KMT2C: variants seen among roughly 807,000 people sequenced by gnomAD.
The protein encoded by KMT2C is lysine methyltransferase 2C.
Under a neutral mutation model 507.9 loss-of-function variants are expected in KMT2C, and 88 were observed. That is an observed-to-expected ratio of 0.17 (90% CI 0.15 to 0.21). KMT2C has a LOEUF of 0.21. Ranked by LOEUF, KMT2C falls within the 10% of genes least tolerant of loss-of-function variation. The pLI, the probability that KMT2C is intolerant of heterozygous loss-of-function variation, is 1.00. For missense variants in KMT2C, 4,954 were observed against 5,957.8 expected (o/e 0.83, Z 5.55); for synonymous variants, 2,049 against 2,080.8 (o/e 0.98, Z 0.42).
intron 27 of KMT2C, among the ~76,000 whole-genome samples, chr7:152,196,844 T>C (rs2093978442): frequency 6.6e-6 from 1 of 151,990 alleles, no homozygotes; most frequent in Non-Finnish European, 1.5e-5. Flanking sequence ...AAAGCAGACA[T>C]AAAGCCCCTG....
At chr7:152,297,095 A>G (rs866738343) in intron 6 of KMT2C, among the ~76,000 whole-genome samples, 3,307 of 108,926 alleles carry the variant, frequency 0.03, 76 homozygotes, top group African/African-American at 0.045. Flanking sequence ...GAGAGAGAGA[A>G]AGAAAGAAAG....
chr7:152,202,312 C>G (rs1340310343), intron 26 of KMT2C, among the ~76,000 whole-genome samples: 1 of 152,134 alleles, frequency 6.6e-6, no homozygotes, highest in African/African-American at 2.4e-5. Flanking sequence ...AGTACAATTT[C>G]TAATATTGAG....
rs2129119304 is a variant in KMT2C, at chr7:152,180,890, C to T, written c.6970G>A (p.Asp2324Asn). 2 of 1,614,160 alleles carry T rather than the reference C, an allele frequency of 1.2e-6. No individual in the cohort carries two copies. Among genetic ancestry groups the T allele is most frequent in the East Asian group, 2.2e-5 (1 of 44,880 alleles). ...GTSQTAHDVA[D>N]QPRPGSEGSF... Reference sequence around the variant, plus strand: ...CCCTCTGATCCAGGCCTTGGCTGATCAGCAACATCATGGGCAGTTTGACTT... The same window carrying T: ...CCCTCTGATCCAGGCCTTGGCTGATTAGCAACATCATGGGCAGTTTGACTT... The change falls in exon 36 of 59, where the codon GAT becomes AAT. Residue 2324 changes from aspartate to asparagine, a missense_variant. This residue lies in a region of KMT2C where 1,689 missense variants were observed against 1,654.3 expected (regional missense o/e 1.02). Transcript: ENST00000262189.
rs773788821 is a variant in KMT2C at position 152,180,061 on chromosome 7, C to G, written c.7215G>C (p.Glu2405Asp). 3 of 1,614,198 alleles carry G rather than the reference C, an allele frequency of 1.9e-6. No homozygotes were observed. In the East Asian group the frequency reaches 6.7e-5, roughly 36 times the overall value. ...QQQKKIAGRQEKGSQDSPAVP... is the reference protein window; with the variant it reads ...QQQKKIAGRQDKGSQDSPAVP... ...CTGCGGGTGAGTCCTGTGACCCCTT[C>G]TCCTGTCGACCTGCAATCTTCTTCT... is the stretch of plus-strand genomic sequence containing the variant. The change falls in exon 37 of 59, where the codon GAG becomes GAC. Residue 2405 changes from glutamate to aspartate, a missense_variant. Physicochemically the swap from Glu to Asp is conservative, Grantham distance 45. Around this residue, in one of 29 missense-constraint regions of KMT2C, gnomAD observed 1,689 missense variants for 1,654.3 expected, o/e 1.02. Transcript: ENST00000262189.
rs1563106007 is a variant in KMT2C, at chr7:152,137,171, G to A, written c.14644-247C>T. 6.9e-6 allele frequency: 3 copies of A among 436,630 alleles called. No homozygotes were observed. In the Admixed American group the frequency reaches 1.1e-4, roughly 16 times the overall value. The allele number at this position is 436,630 out of a possible 1,614,324, so 27.0% of individuals were successfully genotyped here. ...GAGAACGGGAGCCTGACCAGAGAAA[G>A]CTGTATTTCTGTGACTTCTCATAAT... On this transcript the variant is annotated intron_variant, in intron 58 of 58. Transcript: ENST00000262189.
At chr7:152,323,382 A>T (rs1205119604) in intron 3 of KMT2C, among the ~76,000 whole-genome samples, 1 of 151,982 alleles carries the variant, frequency 6.6e-6, no homozygotes, top group Non-Finnish European at 1.5e-5. Flanking sequence ...TCATGCCTAT[A>T]ATCCCAGCAC....
At chr7:152,260,147 A>G (rs1252662380) in intron 9 of KMT2C, among the ~76,000 whole-genome samples, 1 of 152,262 alleles carries the variant, frequency 6.6e-6, no homozygotes, top group Admixed American at 6.5e-5. Context: ...TAGTAACTGA[A>G]AAAACTGCAT....
intron 9 of KMT2C, among the ~76,000 whole-genome samples, chr7:152,255,108 CTTATATATATATATATATATATATAT>C (rs1258120359): frequency 1.6e-5 from 1 of 60,678 alleles, no homozygotes; most frequent in Non-Finnish European, 3.2e-5. Context: ...TCAACTCTCA[CTTATATATATATATATATATATATAT>C]ATATATATAT....
rs566779102 is a variant in KMT2C at position 152,288,274 on chromosome 7, C to T, written c.850-14407G>A. Among the ~76,000 whole-genome samples, 6 of 149,044 alleles carry T rather than the reference C, an allele frequency of 4.0e-5. No individual in the cohort carries two copies. In the South Asian group the frequency reaches 1.3e-3, roughly 32 times the overall value. On this transcript the variant is annotated intron_variant, in intron 6 of 58. Coordinates refer to ENST00000262189, the MANE Select transcript of KMT2C (RefSeq NM_170606.3). ...AGTGGCCAGGTGCGGTCGCTCAGGC[C>T]TGTAATCCTAGCATTTTGGGAGGCC... is the stretch of plus-strand genomic sequence containing the variant.
At position 152,139,206 on chromosome 7, in the gene KMT2C, C is replaced by T. The variant is rs755484548; in HGVS notation, c.14514G>A (p.Thr4838=). ...RMDNDHVIDA[T]LTGGPARYIN... ...CTCACCTTGCGGGCCCTCCTGTGAG[C>T]GTCGCGTCAATCACATGGTCGTTAT... Residue 4838 remains threonine, a synonymous_variant, in exon 57 of 59, where the codon ACG becomes ACA. Transcript: ENST00000262189. 13 of 1,613,836 alleles carry T rather than the reference C, an allele frequency of 8.1e-6. No individual in the cohort carries two copies. The highest frequency in any genetic ancestry group is 1.1e-5 in the South Asian group (1 of 91,076).
intron 3 of KMT2C, among the ~76,000 whole-genome samples, chr7:152,320,846 G>C (rs1028048636): frequency 1.3e-5 from 2 of 151,934 alleles, no homozygotes; most frequent in East Asian, 3.8e-4. Flanking sequence ...GGCCATAAAA[G>C]AATACATGAT....
At chr7:152,414,645 G>A (rs1014767505) in intron 1 of KMT2C, among the ~76,000 whole-genome samples, 5 of 151,550 alleles carry the variant, frequency 3.3e-5, no homozygotes, top group Admixed American at 6.6e-5. Flanking sequence ...ACAGGCGCCC[G>A]GCATCATGCC....
intron 14 of KMT2C, among the ~76,000 whole-genome samples, chr7:152,243,009 G>A (rs2095412815): frequency 6.6e-6 from 1 of 152,148 alleles, no homozygotes; most frequent in Non-Finnish European, 1.5e-5. Context: ...AAACAAAAGA[G>A]TTTACAGTTT....
At chr7:152,388,858 C>T (rs1405583526) in intron 1 of KMT2C, among the ~76,000 whole-genome samples, 2 of 152,260 alleles carry the variant, frequency 1.3e-5, no homozygotes, top group Admixed American at 1.3e-4. Flanking sequence ...AAGCGATTCT[C>T]CTGCCTCAGC....
chr7:152,321,028 G>A (rs927249386), intron 3 of KMT2C, among the ~76,000 whole-genome samples: 6 of 152,006 alleles, frequency 3.9e-5, no homozygotes, highest in African/African-American at 1.4e-4. Flanking sequence ...GAGGTCAGCA[G>A]TTTGAGACCA....
chr7:152,180,326 G>A (rs1179526628), intron 36 of KMT2C, among the ~76,000 whole-genome samples, 200 bp from the exon 37 acceptor site: 1 of 152,138 alleles, frequency 6.6e-6, no homozygotes, highest in Non-Finnish European at 1.5e-5. Context: ...TGACAGGTTA[G>A]TGGCTTTTTA....
At chr7:152,195,624 G>T in intron 28 of KMT2C, 1 of 803,628 alleles carries the variant, frequency 1.2e-6, no homozygotes, top group Non-Finnish European at 1.5e-6. Context: ...AGGAAGTGAG[G>T]GAAAATACAA....
chr7:152,197,990 C>T (rs1317997975), intron 27 of KMT2C, among the ~76,000 whole-genome samples: 2 of 151,594 alleles, frequency 1.3e-5, no homozygotes, highest in Non-Finnish European at 2.9e-5. Context: ...AATTTCAATC[C>T]TTTTGCTTTT....
intron 3 of KMT2C, among the ~76,000 whole-genome samples, chr7:152,321,806 A>T (rs2096775384): frequency 6.6e-6 from 1 of 151,958 alleles, no homozygotes; most frequent in Non-Finnish European, 1.5e-5. Flanking sequence ...ATGTTCATGG[A>T]CTGGAAGAAT....
Sources: gnomAD v4.1 joint callset for allele counts (sites outside exome capture counted in the v4.1 genomes callset) on GRCh38, gnomAD v4.1.1 for gene constraint, gnomAD v4.1.1 regional missense constraint, MANE v1.5 for transcripts, NCBI Gene and HGNC (gene_info 2026-07-23, HGNC 2026-07-21) for gene names.